Variants in PARD3 observed in about 807,000 individuals in gnomAD.
PARD3 encodes partitioning defective 3 homolog.
In PARD3, 75 loss-of-function variants were observed where a neutral mutation model predicts 155.4. The ratio of observed to expected loss-of-function variants is 0.48; its 90% CI spans 0.40 to 0.58. The LOEUF (loss-of-function observed/expected upper bound fraction) is 0.58. PARD3 is among the 20% of genes least tolerant of loss of function. The probability of loss-of-function intolerance (pLI) is 0.00; values close to 1 mark genes in which losing one functional copy is unlikely to be tolerated. For synonymous variants in PARD3, 576 were observed against 610.5 expected, an observed-to-expected ratio of 0.94 and a Z score of 0.83; for missense variants, 1,642 against 1,721.7, an observed-to-expected ratio of 0.95 and a Z score of 0.82.
At chr10:34,339,040 C>T (rs1383842779) in intron 16 of PARD3, among the ~76,000 whole-genome samples, 1 of 152,160 alleles carries the variant, frequency 6.6e-6, no homozygotes, top group Non-Finnish European at 1.5e-5. Context: ...AGAGCACATA[C>T]ACCCAAGTGA....
intron 1 of PARD3, among the ~76,000 whole-genome samples, chr10:34,739,856 T>C (rs10827411): frequency 0.23 from 35,333 of 152,084 alleles, 5,382 homozygotes; most frequent in East Asian, 0.53. Context: ...ACATACCACA[T>C]AGAATGTTTT....
intron 20 of PARD3, chr10:34,312,338 A>T: frequency 6.2e-6 from 10 of 1,612,250 alleles, no homozygotes; most frequent in Non-Finnish European, 8.5e-6. Flanking sequence ...ACATGTTTTG[A>T]ATCGCTTTGT....
At chr10:34,389,018 C>T (rs955070346) in intron 7 of PARD3, among the ~76,000 whole-genome samples, 2 of 151,844 alleles carry the variant, frequency 1.3e-5, no homozygotes, top group Non-Finnish European at 2.9e-5. Flanking sequence ...AAGATAAACC[C>T]TACTTGGCTT....
intron 2 of PARD3, among the ~76,000 whole-genome samples, chr10:34,643,666 T>C (rs890049216): frequency 6.6e-6 from 1 of 152,180 alleles, no homozygotes; most frequent in African/African-American, 2.4e-5. Flanking sequence ...ACACCTATAA[T>C]CAGTCTGAGA....
intron 7 of PARD3, 76 bp downstream of exon 7, chr10:34,399,254 C>G (rs892728977): frequency 1.4e-5 from 13 of 935,378 alleles, no homozygotes; most frequent in Middle Eastern, 2.1e-4. Flanking sequence ...AAGTCAACAC[C>G]ACTCTCTATC....
chr10:34,313,073 A>T (rs981971490), intron 20 of PARD3, among the ~76,000 whole-genome samples: 1 of 152,218 alleles, frequency 6.6e-6, no homozygotes, highest in African/African-American at 2.4e-5. Context: ...ATTAAAAAAC[A>T]TATCTCCCTC....
chr10:34,453,198 G>A lies in PARD3; in HGVS notation c.583-2750C>T, dbSNP rs529878961. ...TTCATTCTTGCTTTTTTTGAGACCT[G>A]TACTTCCAACATCATTTCTTCTATA... On this transcript the variant is annotated intron_variant, in intron 4 of 24. Transcript: ENST00000374788. Among the ~76,000 whole-genome samples the A allele has an allele frequency of 2.0e-5, 3 of 152,150 alleles. No individual in the cohort carries two copies. In the South Asian group the frequency reaches 6.2e-4, roughly 32 times the overall value.
chr10:34,616,818 T>A lies in PARD3; in HGVS notation c.222+79500A>T, dbSNP rs530360756. 8.0e-5 allele frequency among the ~76,000 whole-genome samples: 12 copies of A among 150,422 alleles called. 1 individual carries two copies. Among genetic ancestry groups the A allele is most frequent in the Non-Finnish European group, 1.3e-4 (9 of 67,800 alleles). On this transcript the variant is annotated intron_variant, in intron 2 of 24. Coordinates refer to ENST00000374788, the MANE Select transcript of PARD3 (RefSeq NM_001184785.2). The stretch of plus-strand genomic sequence containing the variant: ...GGTATGGTGGCATGGGTCTATGGTC[T>A]CAGCTACTCAGGACACTGAGGTGGA...
At chr10:34,316,765 CT>C (rs1488159897) in intron 20 of PARD3, among the ~76,000 whole-genome samples, 3 of 152,158 alleles carry the variant, frequency 2.0e-5, no homozygotes, top group Admixed American at 6.5e-5. Flanking sequence ...ATCATTTAGG[CT>C]GCTAAAATAG....
chr10:34,305,950 C>T (rs1957386193), intron 20 of PARD3, among the ~76,000 whole-genome samples: 1 of 152,148 alleles, frequency 6.6e-6, no homozygotes, highest in South Asian at 2.1e-4. Context: ...TCCATCCAGC[C>T]TGGGTGACAG....
intron 1 of PARD3, among the ~76,000 whole-genome samples, chr10:34,718,392 G>A (rs1189641815): frequency 6.6e-6 from 1 of 152,132 alleles, no homozygotes; most frequent in African/African-American, 2.4e-5. Flanking sequence ...GGGCACAGTG[G>A]CTCACACCTG....
In PARD3 at chr10:34,314,999, A is replaced by G. The variant is rs963870097; in HGVS notation, c.3065+2108T>C. On this transcript the variant is annotated intron_variant, in intron 20 of 24. Transcript: ENST00000374788. ...AGTATGAATGTCTGTTATTTTCTTA[A>G]CAGTCATTCTTAAACACTGGGAGAA... is the stretch of plus-strand genomic sequence containing the variant. 5.3e-5 allele frequency among the ~76,000 whole-genome samples: 8 copies of G among 152,314 alleles called. No individual in the cohort carries two copies. In the East Asian group the frequency reaches 1.5e-3, roughly 29 times the overall value.
chr10:34,202,350 G>C (rs1165887332), intron 22 of PARD3, among the ~76,000 whole-genome samples: 2 of 152,234 alleles, frequency 1.3e-5, no homozygotes, highest in Non-Finnish European at 2.9e-5. Flanking sequence ...TGGGATTATA[G>C]GCATGAGGCA....
At chr10:34,180,160 G>A (rs886921719) in intron 22 of PARD3, among the ~76,000 whole-genome samples, 2 of 152,076 alleles carry the variant, frequency 1.3e-5, no homozygotes, top group Admixed American at 1.3e-4. Context: ...CGATTCTCCT[G>A]CCTCAGCCTC....
intron 3 of PARD3, among the ~76,000 whole-genome samples, chr10:34,483,123 C>A (rs916144365): frequency 2.0e-5 from 3 of 151,612 alleles, no homozygotes; most frequent in African/African-American, 7.3e-5. Flanking sequence ...ACCACTGCAC[C>A]CCAGCCTGGG....
intron 1 of PARD3, among the ~76,000 whole-genome samples, chr10:34,788,526 TGCAAACTCCGCCTCC>T (rs1841265119): frequency 6.6e-6 from 1 of 151,292 alleles, no homozygotes; most frequent in African/African-American, 2.4e-5. Flanking sequence ...CGCGGCTCAC[TGCAAACTCCGCCTCC>T]TGGGTTCAAG....
At chr10:34,805,566 T>TATATATAC (rs1491558472) in intron 1 of PARD3, among the ~76,000 whole-genome samples, 22 of 139,934 alleles carry the variant, frequency 1.6e-4, no homozygotes, top group South Asian at 4.5e-4. Flanking sequence ...TATATATATA[T>TATATATAC]ACACCGTACA....
chr10:34,114,034 A>C (rs2132636834), intron 24 of PARD3, among the ~76,000 whole-genome samples: 1 of 152,224 alleles, frequency 6.6e-6, no homozygotes, highest in South Asian at 2.1e-4. Context: ...AGGTGGGAGG[A>C]CTGCTTGAGG....
rs1206230394 is a variant in PARD3, at chr10:34,399,380, A to G, written c.840T>C (p.Asp280=). 1 of 1,611,860 alleles carries G rather than the reference A, an allele frequency of 6.2e-7. No homozygotes were observed. Among genetic ancestry groups the G allele is most frequent in the Non-Finnish European group, 8.5e-7 (1 of 1,178,096 alleles). ...DMVKLVEVPN[D]GGPLGIHVVP... is the part of the protein sequence containing the mutation. Reference sequence around the variant, plus strand: ...CTACGTGGATTCCCAGAGGCCCTCCATCGTTGGGGACTTCTACGAGCTTTA... The same window carrying G: ...CTACGTGGATTCCCAGAGGCCCTCCGTCGTTGGGGACTTCTACGAGCTTTA... Residue 280 remains aspartate, a synonymous_variant, in exon 7 of 25, where the codon GAT becomes GAC. Transcript: ENST00000374788.
Sources: gnomAD v4.1 joint callset for allele counts (sites outside exome capture counted in the v4.1 genomes callset) on GRCh38, gnomAD v4.1.1 for gene constraint, MANE v1.5 for transcripts, NCBI Gene and HGNC (gene_info 2026-07-23, HGNC 2026-07-21) for gene names.